Variants in DNAJC15 observed in about 807,000 individuals in gnomAD.
DNAJC15 encodes DnaJ heat shock protein family (Hsp40) member C15.
A neutral mutation model predicts 22.4 loss-of-function variants in DNAJC15; 27 were observed. The observed-to-expected ratio is 1.20, with a 90% CI of 0.89 to 1.66. The LOEUF is 1.66. Ranked by LOEUF, DNAJC15 falls within the 40% of genes most tolerant of loss-of-function variation. The pLI, the probability that DNAJC15 is intolerant of heterozygous loss-of-function variation, is 0.00. For missense variants in DNAJC15, 208 were observed against 187.1 expected, an observed-to-expected ratio of 1.11 and a Z score of -0.65; for synonymous variants, 79 against 63.2, an observed-to-expected ratio of 1.25 and a Z score of -1.19.
chr13:43,029,200 A>G (rs531583236), intron 1 of DNAJC15, among the ~76,000 whole-genome samples: 5 of 152,376 alleles, frequency 3.3e-5, no homozygotes, highest in African/African-American at 9.6e-5. Context: ...CCCAGAACTT[A>G]GCATAAGTCC....
chr13:43,085,370 TG>T (rs141878965), intron 4 of DNAJC15, among the ~76,000 whole-genome samples: 13 of 43,402 alleles, frequency 3.0e-4, no homozygotes, highest in South Asian at 1.7e-3. Context: ...TCTTGGGGGG[TG>T]GGGGGGGAAA....
intron 1 of DNAJC15, among the ~76,000 whole-genome samples, chr13:43,057,902 G>C (rs1593316939): frequency 6.6e-6 from 1 of 152,262 alleles, no homozygotes; most frequent in Non-Finnish European, 1.5e-5. Context: ...GAGCTACTGG[G>C]CTCTGGGCTA....
intron 1 of DNAJC15, among the ~76,000 whole-genome samples, chr13:43,031,683 C>A (rs1167751682): frequency 6.6e-6 from 1 of 152,150 alleles, no homozygotes; most frequent in Non-Finnish European, 1.5e-5. Context: ...AATATTATAA[C>A]CCTCTACTTG....
chr13:43,058,832 T>C (rs1402507650), intron 1 of DNAJC15, among the ~76,000 whole-genome samples: 2 of 152,194 alleles, frequency 1.3e-5, no homozygotes, highest in African/African-American at 4.8e-5. Context: ...GCTTCTACTT[T>C]TAATTTTCGC....
chr13:43,065,346 G>T (rs1051766384), intron 1 of DNAJC15, among the ~76,000 whole-genome samples: 3 of 152,184 alleles, frequency 2.0e-5, no homozygotes, highest in Admixed American at 2.0e-4. Context: ...GGAAATATGT[G>T]CTTTTTATCT....
At chr13:43,055,651 A>G (rs558617221) in intron 1 of DNAJC15, among the ~76,000 whole-genome samples, 74 of 152,120 alleles carry the variant, frequency 4.9e-4, no homozygotes, top group Non-Finnish European at 1.0e-3. Context: ...GGGTCTACCA[A>G]TTTTACTTAT....
chr13:43,039,978 C>T (rs922004749), intron 1 of DNAJC15, among the ~76,000 whole-genome samples: 5 of 152,126 alleles, frequency 3.3e-5, no homozygotes, highest in Non-Finnish European at 7.3e-5. Flanking sequence ...GAGGTCACAC[C>T]ACTGCGCTCC....
At chr13:43,077,643 G>A (rs1192399690) in intron 3 of DNAJC15, among the ~76,000 whole-genome samples, 1 of 152,170 alleles carries the variant, frequency 6.6e-6, no homozygotes, top group Non-Finnish European at 1.5e-5. Flanking sequence ...TTTAGGCAAG[G>A]CAATTCCTAA....
chr13:43,074,687 A>G (rs928602719), intron 3 of DNAJC15, among the ~76,000 whole-genome samples: 2 of 152,188 alleles, frequency 1.3e-5, no homozygotes, highest in African/African-American at 2.4e-5. Context: ...TATTAATTCA[A>G]ACATAATAAT....
chr13:43,087,453 A>G (rs1320745761), intron 5 of DNAJC15, among the ~76,000 whole-genome samples: 10 of 152,188 alleles, frequency 6.6e-5, no homozygotes, highest in African/African-American at 1.9e-4. Flanking sequence ...TTTGTTTTCA[A>G]TGGGAAGCTA....
intron 1 of DNAJC15, among the ~76,000 whole-genome samples, chr13:43,061,592 G>A (rs374803771): frequency 7.8e-4 from 119 of 152,328 alleles, no homozygotes; most frequent in Middle Eastern, 6.8e-3. Context: ...CATCATGGTG[G>A]TACAGGATAT....
chr13:43,036,328 T>C (rs184450344), intron 1 of DNAJC15, among the ~76,000 whole-genome samples: 2 of 151,994 alleles, frequency 1.3e-5, no homozygotes, highest in Non-Finnish European at 2.9e-5. Context: ...CCACACCCAG[T>C]GCAGCCCTCA....
chr13:43,067,125 C>G (rs1344935029), intron 2 of DNAJC15, among the ~76,000 whole-genome samples: 1 of 152,144 alleles, frequency 6.6e-6, no homozygotes, highest in Non-Finnish European at 1.5e-5. Context: ...TTAGGCAGAG[C>G]TGCATTCCAT....
intron 1 of DNAJC15, among the ~76,000 whole-genome samples, chr13:43,036,738 T>G (rs1370126393): frequency 6.6e-6 from 1 of 152,220 alleles, no homozygotes; most frequent in Non-Finnish European, 1.5e-5. Flanking sequence ...GCTACTACCC[T>G]CAGCCCCTTG....
At chr13:43,090,081 T>A (rs2040706976) in intron 5 of DNAJC15, among the ~76,000 whole-genome samples, 1 of 152,200 alleles carries the variant, frequency 6.6e-6, no homozygotes, top group Non-Finnish European at 1.5e-5. Flanking sequence ...TCAGACAAAT[T>A]TAGCAGAGTT....
rs770117193 is a variant in DNAJC15, at chr13:43,065,657, A to G, written c.109-29A>G. 6.3e-6 allele frequency: 10 copies of G among 1,583,574 alleles called. No homozygotes were observed. The South Asian group carries it at 6.7e-5, about 11-fold the overall frequency. The stretch of plus-strand genomic sequence containing the variant: ...CTTTTAAAACCCAGCATGTTACATC[A>G]TAAGTAATATTCATTTTTTCTTCCA... On this transcript the variant is annotated intron_variant, in intron 1 of 5. Transcript: ENST00000379221.
At chr13:43,029,330 G>A (rs527246882) in intron 1 of DNAJC15, among the ~76,000 whole-genome samples, 1 of 152,298 alleles carries the variant, frequency 6.6e-6, no homozygotes, top group Non-Finnish European at 1.5e-5. Flanking sequence ...CCTCTTGTGA[G>A]GAGGAAGAAT....
Position 43,051,659 on chromosome 13 carries a change from G to GTGTGTA in DNAJC15, c.109-14024_109-14023insGTATGT, listed in dbSNP as rs1555274784. On this transcript the variant is annotated intron_variant, in intron 1 of 5. Coordinates refer to ENST00000379221, the MANE Select transcript of DNAJC15 (RefSeq NM_013238.3). ...GGTGTGTGTGTGTGTGTGTGTGTGT[G>GTGTGTA]TGTATATATATCACATTTTCTTTAT... Among the ~76,000 whole-genome samples, 362 of 102,596 alleles carry GTGTGTA rather than the reference G, an allele frequency of 3.5e-3. 1 individual carries two copies. Among genetic ancestry groups the GTGTGTA allele is most frequent in the Non-Finnish European group, 4.1e-3 (191 of 46,780 alleles). The allele number at this position is 102,596 out of a possible 152,430, so 67.3% of individuals were successfully genotyped here.
intron 1 of DNAJC15, among the ~76,000 whole-genome samples, chr13:43,051,078 G>C (rs964192969): frequency 6.6e-6 from 1 of 152,084 alleles, no homozygotes; most frequent in African/African-American, 2.4e-5. Context: ...AGGTTCAAGG[G>C]ATTCTCCTGT....
Sources: allele counts gnomAD v4.1 joint callset (sites outside exome capture counted in the v4.1 genomes callset), GRCh38; gene constraint gnomAD v4.1.1; transcripts MANE v1.5; gene names NCBI Gene and HGNC (gene_info 2026-07-23, HGNC 2026-07-21).